PCNX1: variants seen among roughly 807,000 people sequenced by gnomAD.
PCNX1 encodes pecanex 1, also known as pecanex-like protein 1.
A neutral mutation model predicts 242.2 loss-of-function variants in PCNX1; 78 were observed. The observed-to-expected ratio is 0.32, with a 90% confidence interval of 0.27 to 0.39. The LOEUF (loss-of-function observed/expected upper bound fraction) is 0.39, where lower values mean the gene tolerates loss of function less well. Ranked by LOEUF, PCNX1 falls within the 10% of genes least tolerant of loss-of-function variation. The pLI is 1.00. For synonymous variants in PCNX1, 1,024 were observed against 1,032.9 expected (o/e 0.99, Z 0.17); for missense variants, 2,581 against 2,856.5 (o/e 0.90, Z 2.20).
At chr14:71,092,514 C>T (rs1228140054) in intron 30 of PCNX1, 3 of 152,320 alleles carry the variant, frequency 2.0e-5, no homozygotes, top group Non-Finnish European at 4.4e-5. Flanking sequence ...CTTCTGCCAA[C>T]CAAAAGGCAG....
chr14:70,913,597 C>T (rs964341269), intron 1 of PCNX1, among the ~76,000 whole-genome samples: 9 of 152,038 alleles, frequency 5.9e-5, no homozygotes, highest in Non-Finnish European at 1.2e-4. Context: ...CATTTTCTTC[C>T]TAGTTGTCTT....
In PCNX1 at chr14:70,964,696, C is replaced by T. The variant is rs374458179; in HGVS notation, c.468+2365C>T. Among the ~76,000 whole-genome samples the T allele has an allele frequency of 3.6e-3, 551 of 152,248 alleles. 1 individual carries two copies. The highest frequency in any genetic ancestry group is 0.013 in the African/African-American group (534 of 41,540). On this transcript the variant is annotated intron_variant, in intron 3 of 35. Transcript: ENST00000304743. ...CTTTTGGATCCTGTGACCTTGGCAT[C>T]GTGTCTGTTGGAACTTGCCTGTTTG...
At chr14:71,050,588 T>G (rs2060999266) in intron 22 of PCNX1, 64 bp from the exon 23 acceptor site, 9 of 1,465,432 alleles carry the variant, frequency 6.1e-6, no homozygotes, top group Non-Finnish European at 8.2e-6. Flanking sequence ...GGTTTTTATT[T>G]TCTAATTCAA....
chr14:71,002,624 T>G (rs1028408407), intron 8 of PCNX1, among the ~76,000 whole-genome samples: 5 of 152,222 alleles, frequency 3.3e-5, no homozygotes, highest in African/African-American at 1.2e-4. Context: ...GTATACAGCC[T>G]TTTGTATGTA....
chr14:70,947,504 G>A (rs1266077547), intron 2 of PCNX1, among the ~76,000 whole-genome samples: 2 of 152,176 alleles, frequency 1.3e-5, no homozygotes, highest in Admixed American at 1.3e-4. Context: ...CTTTACTGCA[G>A]TCTCTGAACA....
At chr14:71,004,275 A>G (rs546113519) in intron 8 of PCNX1, among the ~76,000 whole-genome samples, 24 of 152,336 alleles carry the variant, frequency 1.6e-4, no homozygotes, top group African/African-American at 5.8e-4. Flanking sequence ...AGGGAGAAAC[A>G]AGTCCATTAA....
intron 26 of PCNX1, among the ~76,000 whole-genome samples, chr14:71,070,992 A>G (rs551644090): frequency 5.3e-5 from 8 of 152,350 alleles, no homozygotes; most frequent in African/African-American, 1.9e-4. Flanking sequence ...TCTTCTGGAT[A>G]ATTTGCTGCA....
At chr14:71,053,817 C>T (rs1167345085) in intron 24 of PCNX1, among the ~76,000 whole-genome samples, 1 of 152,094 alleles carries the variant, frequency 6.6e-6, no homozygotes, top group African/African-American at 2.4e-5. Context: ...TTCCACTCCC[C>T]CAAAAAATTA....
At chr14:70,967,315 A>G (rs985214711) in intron 3 of PCNX1, among the ~76,000 whole-genome samples, 25 of 152,372 alleles carry the variant, frequency 1.6e-4, no homozygotes, top group Non-Finnish European at 3.4e-4. Context: ...AGTATAAAGT[A>G]GTATATGAAT....
chr14:71,011,312 G>A (rs181989501), intron 9 of PCNX1, among the ~76,000 whole-genome samples, 180 bp from the exon 10 acceptor site: 1 of 152,278 alleles, frequency 6.6e-6, no homozygotes, highest in East Asian at 1.9e-4. Context: ...TTCAGTGGAA[G>A]AGATTTGAAT....
intron 1 of PCNX1, among the ~76,000 whole-genome samples, chr14:70,917,833 T>C (rs1165500299): frequency 6.6e-6 from 1 of 152,262 alleles, no homozygotes; most frequent in South Asian, 2.1e-4. Context: ...GATGGCATAT[T>C]CTTCCAGAAG....
At chr14:71,019,960 TC>T (rs1223481230) in intron 12 of PCNX1, among the ~76,000 whole-genome samples, 1 of 139,302 alleles carries the variant, frequency 7.2e-6, no homozygotes, top group Non-Finnish European at 1.5e-5. Context: ...ACGGACCCCC[TC>T]CTTGTGTTCC....
chr14:71,047,125 A>G lies in PCNX1; in HGVS notation c.4160+20A>G. On this transcript the variant is annotated intron_variant, in intron 21 of 35. Transcript: ENST00000304743. ...TACAGAGTAAGTATAGTAGTCTTCT[A>G]ATATTGTCTGACTACTGGGGGCTGT... 1 of 1,445,944 alleles carries G rather than the reference A, an allele frequency of 6.9e-7. No homozygotes were observed. Among genetic ancestry groups the G allele is most frequent in the Non-Finnish European group, 9.4e-7 (1 of 1,065,412 alleles). 89.6% of individuals were successfully genotyped at this position (1,445,944 alleles called of 1,614,324 possible). A position where few individuals can be genotyped will look rare whatever the true frequency, so the allele number is the denominator to read the frequency against.
chr14:71,057,404 A>G, intron 25 of PCNX1, 105 bp from the exon 26 acceptor site: 1 of 700,826 alleles, frequency 1.4e-6, no homozygotes, highest in Non-Finnish European at 2.4e-6. Context: ...TTTCCTTGTC[A>G]AATAAATATA....
intron 3 of PCNX1, among the ~76,000 whole-genome samples, chr14:70,963,488 C>T (rs2140488667): frequency 6.6e-6 from 1 of 152,248 alleles, no homozygotes; most frequent in East Asian, 1.9e-4. Flanking sequence ...TATAATTCTG[C>T]CAACTCTGTC....
Position 70,977,895 on chromosome 14 carries a change from A to G in PCNX1, c.1558A>G (p.Lys520Glu), listed in dbSNP as rs1340098164. ...TAENKEEKSD[K>E]SAVSVDSKVR... is the part of the protein sequence containing the mutation. Reference sequence around the variant, plus strand: ...AGAAAACAAAGAAGAGAAGAGTGATAAGTCAGCTGTTTCTGTGGATTCCAA... The same window carrying G: ...AGAAAACAAAGAAGAGAAGAGTGATGAGTCAGCTGTTTCTGTGGATTCCAA... The change falls in exon 6 of 36, where the codon AAG (lysine) becomes GAG (glutamate). Residue 520 changes from lysine (K) to glutamate (E), a missense_variant. Lys to Glu is a moderately conservative substitution (Grantham distance 56). Around this residue, in one of 9 missense-constraint regions of PCNX1, gnomAD observed 1,204 missense variants for 1,216.7 expected, o/e 0.99. Transcript: ENST00000304743. 1 of 1,614,138 alleles carries G rather than the reference A, an allele frequency of 6.2e-7. No individual in the cohort carries two copies. The highest frequency in any genetic ancestry group is 1.7e-5 in the Admixed American group (1 of 60,014).
At chr14:70,959,125 T>TTAG (rs2058105306) in intron 2 of PCNX1, among the ~76,000 whole-genome samples, 1 of 151,550 alleles carries the variant, frequency 6.6e-6, no homozygotes, top group Non-Finnish European at 1.5e-5. Flanking sequence ...TGACTTATTC[T>TTAG]AAGAGTTGTC....
chr14:70,918,856 G>A (rs2056254728), intron 1 of PCNX1, among the ~76,000 whole-genome samples: 1 of 150,494 alleles, frequency 6.6e-6, no homozygotes, highest in Non-Finnish European at 1.5e-5. Flanking sequence ...CTTATTCAAT[G>A]GAGTGTTCGT....
chr14:70,919,577 G>A (rs950066980), intron 1 of PCNX1, among the ~76,000 whole-genome samples: 1 of 151,924 alleles, frequency 6.6e-6, no homozygotes, highest in African/African-American at 2.4e-5. Flanking sequence ...TACAACAAAC[G>A]TTCTATAGAG....
Sources: allele counts gnomAD v4.1 joint callset (sites outside exome capture counted in the v4.1 genomes callset), GRCh38; gene constraint gnomAD v4.1.1; regional missense constraint gnomAD v4.1.1; transcripts MANE v1.5; gene names NCBI Gene and HGNC (gene_info 2026-07-23, HGNC 2026-07-21).